Variants in PTPRD observed in about 807,000 individuals in gnomAD.
PTPRD encodes the protein receptor-type tyrosine-protein phosphatase delta.
In PTPRD, 34 loss-of-function variants were observed where a neutral mutation model predicts 214.5. The observed-to-expected ratio is 0.16, with a 90% confidence interval of 0.12 to 0.21. The LOEUF (loss-of-function observed/expected upper bound fraction) is 0.21, where lower values mean the gene tolerates loss of function less well. Among genes scored for constraint, PTPRD ranks in the 10% least tolerant of loss-of-function variants. The probability of loss-of-function intolerance (pLI) is 1.00; values close to 1 mark genes in which losing one functional copy is unlikely to be tolerated. For missense variants in PTPRD, 2,545 were observed against 2,398.7 expected, an observed-to-expected ratio of 1.06 and a Z score of -1.27; for synonymous variants, 1,128 against 845.7, an observed-to-expected ratio of 1.33 and a Z score of -5.79.
At position 9,747,936 on chromosome 9, in the gene PTPRD, A is replaced by G. The variant is rs77715039; in HGVS notation, c.-325-13365T>C. On this transcript the variant is annotated intron_variant, in intron 6 of 45. Coordinates refer to ENST00000381196, the MANE Select transcript of PTPRD (RefSeq NM_002839.4). ...ACACTCTTTGAGAAAGGAATGTATA[A>G]ACAGGTGGATTTCCTCTGAGTCACT... Among the ~76,000 whole-genome samples, 696 of 152,306 alleles carry G rather than the reference A, an allele frequency of 4.6e-3. 6 individuals are homozygous for G. Among genetic ancestry groups the G allele is most frequent in the Middle Eastern group, 0.017 (5 of 294 alleles).
intron 3 of PTPRD, among the ~76,000 whole-genome samples, chr9:10,090,978 C>T (rs990291264): frequency 8.2e-5 from 12 of 147,004 alleles, no homozygotes; most frequent in African/African-American, 2.8e-4. Context: ...GGTAGAGTAA[C>T]TGTCCAGAGG....
chr9:8,357,045 C>T (rs540393616), intron 39 of PTPRD, among the ~76,000 whole-genome samples: 6 of 152,166 alleles, frequency 3.9e-5, no homozygotes, highest in Non-Finnish European at 7.4e-5. Flanking sequence ...ATTCTGCTGA[C>T]GGATTAACTC....
chr9:10,181,753 A>G (rs2099290310), intron 3 of PTPRD, among the ~76,000 whole-genome samples: 1 of 151,262 alleles, frequency 6.6e-6, no homozygotes, highest in African/African-American at 2.4e-5. Flanking sequence ...GTGTTTGAAA[A>G]TTTTCTCATT....
chr9:8,894,271 C>A (rs1240178550), intron 11 of PTPRD, among the ~76,000 whole-genome samples: 1 of 147,468 alleles, frequency 6.8e-6, no homozygotes, highest in East Asian at 2.1e-4. Flanking sequence ...AGGATTATTG[C>A]TTGAACCTGG....
intron 11 of PTPRD, among the ~76,000 whole-genome samples, chr9:9,013,355 G>A (rs1490315859): frequency 2.6e-5 from 4 of 152,040 alleles, no homozygotes; most frequent in African/African-American, 9.7e-5. Flanking sequence ...TGACATTGTT[G>A]GGTCCTATCA....
chr9:8,784,345 G>A (rs1047030084), intron 11 of PTPRD, among the ~76,000 whole-genome samples: 5 of 152,172 alleles, frequency 3.3e-5, no homozygotes, highest in African/African-American at 1.2e-4. Flanking sequence ...AAACGTAAAT[G>A]CATGCTATTA....
At chr9:9,497,871 T>C (rs148897023) in intron 8 of PTPRD, among the ~76,000 whole-genome samples, 11 of 152,300 alleles carry the variant, frequency 7.2e-5, no homozygotes, top group Non-Finnish European at 1.6e-4. Flanking sequence ...AATATTGACT[T>C]CGATCTTCAG....
At position 9,259,975 on chromosome 9, in the gene PTPRD, G is replaced by A. The variant is rs79856258; in HGVS notation, c.-202-76612C>T. On this transcript the variant is annotated intron_variant, in intron 9 of 45. Coordinates refer to ENST00000381196, the MANE Select transcript of PTPRD (RefSeq NM_002839.4). ...CAATGCTTAGTGACTTCTGAAAGGCGAGTAGGCCTCAAGTAACCTGATATT... is the reference window on the plus strand; with the variant it reads ...CAATGCTTAGTGACTTCTGAAAGGCAAGTAGGCCTCAAGTAACCTGATATT... 1.2e-4 allele frequency among the ~76,000 whole-genome samples: 18 copies of A among 151,994 alleles called. No individual in the cohort carries two copies. In the East Asian group the frequency reaches 1.8e-3, roughly 15 times the overall value.
chr9:9,001,056 A>G (rs975445712), intron 11 of PTPRD, among the ~76,000 whole-genome samples: 2 of 151,828 alleles, frequency 1.3e-5, no homozygotes, highest in African/African-American at 4.8e-5. Flanking sequence ...CTTTGCTAAT[A>G]CTCTCTCAAA....
chr9:10,565,907 A>C (rs978810759), intron 2 of PTPRD, among the ~76,000 whole-genome samples: 1 of 151,782 alleles, frequency 6.6e-6, no homozygotes, highest in Non-Finnish European at 1.5e-5. Context: ...CTTTTTCTCT[A>C]AGGTTAACCA....
chr9:8,552,853 G>C (rs1306101520), intron 14 of PTPRD, among the ~76,000 whole-genome samples: 2 of 152,206 alleles, frequency 1.3e-5, no homozygotes, highest in African/African-American at 4.8e-5. Context: ...CAAGTCACTA[G>C]CACTGGGGCT....
intron 45 of PTPRD, 136 bp downstream of exon 45, chr9:8,319,695 G>T (rs1825417859): frequency 6.5e-6 from 7 of 1,077,258 alleles, no homozygotes; most frequent in Admixed American, 2.9e-5. Flanking sequence ...GGAAAATGAG[G>T]TTCAAAATTA....
intron 11 of PTPRD, among the ~76,000 whole-genome samples, chr9:8,759,720 G>C (rs1211316037): frequency 2.0e-5 from 3 of 149,926 alleles, no homozygotes; most frequent in African/African-American, 7.4e-5. Context: ...CTTTCATCAA[G>C]ACTATATCTT....
intron 10 of PTPRD, among the ~76,000 whole-genome samples, chr9:9,111,913 CT>C (rs2099806686): frequency 6.6e-6 from 1 of 152,094 alleles, no homozygotes; most frequent in South Asian, 2.1e-4. Flanking sequence ...TTAAGGACGA[CT>C]GCTTCATAGG....
chr9:9,832,710 C>A (rs1425073350), intron 5 of PTPRD, among the ~76,000 whole-genome samples: 1 of 151,902 alleles, frequency 6.6e-6, no homozygotes, highest in Admixed American at 6.6e-5. Context: ...TAGACACTTT[C>A]CTATCAGTGG....
chr9:10,569,706 T>C (rs2131888176), intron 2 of PTPRD, among the ~76,000 whole-genome samples: 1 of 152,264 alleles, frequency 6.6e-6, no homozygotes, highest in African/African-American at 2.4e-5. Flanking sequence ...ATCACACATA[T>C]TTCTCCAAAG....
chr9:10,234,096 T>C (rs923869130), intron 3 of PTPRD, among the ~76,000 whole-genome samples: 2 of 151,400 alleles, frequency 1.3e-5, no homozygotes, highest in African/African-American at 2.4e-5. Context: ...CTACTAATAA[T>C]ACAAAAAATT....
intron 3 of PTPRD, among the ~76,000 whole-genome samples, chr9:10,283,713 C>T (rs1285731013): frequency 6.6e-6 from 1 of 152,118 alleles, no homozygotes; most frequent in Non-Finnish European, 1.5e-5. Context: ...TCAAGAACTG[C>T]CATATAGGAT....
chr9:10,487,975 T>TCTCTCTCC (rs2132521818), intron 2 of PTPRD, among the ~76,000 whole-genome samples: 1 of 143,224 alleles, frequency 7.0e-6, no homozygotes, highest in Non-Finnish European at 1.5e-5. Flanking sequence ...AGTCTCTCTC[T>TCTCTCTCC]CTCTCTCTCT....
Sources: allele counts gnomAD v4.1 joint callset (sites outside exome capture counted in the v4.1 genomes callset), GRCh38; gene constraint gnomAD v4.1.1; transcripts MANE v1.5; gene names NCBI Gene and HGNC (gene_info 2026-07-23, HGNC 2026-07-21).